The following EGFL6 variants were observed in gnomAD, a reference collection of about 807,000 sequenced individuals.
The protein encoded by EGFL6 is epidermal growth factor-like protein 6.
A neutral mutation model predicts 43.1 loss-of-function variants in EGFL6; 42 were observed. The ratio of observed to expected loss-of-function variants is 0.98; its 90% CI spans 0.76 to 1.26. EGFL6 has a LOEUF of 1.26. EGFL6 is among the 50% of genes most tolerant of loss of function. The pLI, the probability that EGFL6 is intolerant of heterozygous loss-of-function variation, is 0.00. For synonymous variants in EGFL6, 164 were observed against 163.2 expected (o/e 1.01, Z -0.04); for missense variants, 429 against 427.8 (o/e 1.00, Z -0.02).
chrX:13,595,287 A>T, intron 3 of EGFL6, among the ~76,000 whole-genome samples: 1 of 112,064 alleles, frequency 8.9e-6, no homozygotes, highest in African/African-American at 3.2e-5. Context: ...TATGTATTAT[A>T]AGTATATTTT....
intron 1 of EGFL6, among the ~76,000 whole-genome samples, chrX:13,579,094 T>C (rs2045491470): frequency 9.1e-6 from 1 of 110,128 alleles, no homozygotes; most frequent in South Asian, 3.9e-4. Flanking sequence ...GGGCTTGGAG[T>C]CTTTTAATTC....
At chrX:13,597,730 G>A (rs983775076) in intron 3 of EGFL6, among the ~76,000 whole-genome samples, 2 of 111,288 alleles carry the variant, frequency 1.8e-5, no homozygotes, top group Admixed American at 1.9e-4. Context: ...GTTGCAGTGA[G>A]CTGAGATCGC....
intron 11 of EGFL6, among the ~76,000 whole-genome samples, chrX:13,628,444 G>A (rs1014888798): frequency 5.4e-5 from 6 of 110,372 alleles, no homozygotes; most frequent in African/African-American, 1.6e-4. Context: ...GGGAAGGGTC[G>A]AAGGTCACAC....
chrX:13,609,229 A>C (rs865789565), intron 7 of EGFL6, among the ~76,000 whole-genome samples: 4 of 112,125 alleles, frequency 3.6e-5, no homozygotes, highest in Middle Eastern at 4.6e-3. Context: ...TCAAGGCCTT[A>C]AGGTTTGTCA....
At chrX:13,609,809 A>T (rs1382427967) in intron 7 of EGFL6, among the ~76,000 whole-genome samples, 1 of 111,749 alleles carries the variant, frequency 8.9e-6, no homozygotes, top group African/African-American at 3.3e-5. Context: ...CCCTCTGGTC[A>T]TGACCCTTTT....
At chrX:13,601,939 A>G in intron 4 of EGFL6, among the ~76,000 whole-genome samples, 1 of 111,994 alleles carries the variant, frequency 8.9e-6, no homozygotes, top group South Asian at 3.8e-4. Context: ...AAACCCAGTC[A>G]GTGCCAAAAA....
intron 7 of EGFL6, among the ~76,000 whole-genome samples, chrX:13,612,575 G>A (rs755090438): frequency 3.6e-5 from 4 of 111,275 alleles, no homozygotes; most frequent in South Asian, 3.8e-4. Flanking sequence ...CCTCCCAGAC[G>A]GGGTGGCGGC....
Position 13,594,870 on chromosome X carries a change from C to T in EGFL6, c.222C>T (p.Cys74=), listed in dbSNP as rs138875572. The part of the protein sequence containing the change: ...TCEPGCKFGE[C]VGPNKCRCFP... Reference sequence around the variant, plus strand: ...AACCTGGATGTAAGTTTGGTGAGTGCGTGGGACCAAACAAATGCAGATGCT... The same window carrying T: ...AACCTGGATGTAAGTTTGGTGAGTGTGTGGGACCAAACAAATGCAGATGCT... The change falls in exon 3 of 12, where the codon TGC becomes TGT. Residue 74 remains cysteine (C), a synonymous_variant. Coordinates refer to ENST00000361306, the MANE Select transcript of EGFL6 (RefSeq NM_015507.4). 2.1e-4 allele frequency: 250 copies of T among 1,208,782 alleles called. No homozygotes were observed. In the African/African-American group the frequency reaches 3.7e-3, roughly 18 times the overall value.
intron 7 of EGFL6, among the ~76,000 whole-genome samples, chrX:13,611,483 G>A: frequency 8.9e-6 from 1 of 112,249 alleles, no homozygotes; most frequent in Non-Finnish European, 1.9e-5. Flanking sequence ...TACCCCTAGA[G>A]GGGAATCGAA....
intron 5 of EGFL6, 82 bp downstream of exon 5, chrX:13,603,518 T>A (rs1007862660): frequency 9.5e-7 from 1 of 1,055,434 alleles, no homozygotes; most frequent in African/African-American, 1.9e-5. Context: ...TTCATCACAA[T>A]CAGCTTGTTG....
At chrX:13,628,899 G>A (rs2045796609) in intron 11 of EGFL6, among the ~76,000 whole-genome samples, 1 of 112,837 alleles carries the variant, frequency 8.9e-6, no homozygotes, top group Admixed American at 9.3e-5. Context: ...ATTAAGTGGT[G>A]ATAATAGGAA....
Position 13,569,757 on chromosome X carries a change from ACC to A in EGFL6, c.-103_-102del. The stretch of plus-strand genomic sequence containing the variant: ...CCGGTAACTGCGAGTGGAGCGGAGG[ACC>A]CGAGCGGCTGAGGAGAGAGGAGGCG... On this transcript the variant is annotated 5_prime_UTR_variant, in exon 1 of 12. Transcript: ENST00000361306. 1.3e-6 allele frequency: 1 copy of A among 785,283 alleles called. No individual in the cohort carries two copies. Among genetic ancestry groups the A allele is most frequent in the Non-Finnish European group, 1.9e-6 (1 of 524,786 alleles). 64.7% of individuals were successfully genotyped at this position (785,283 alleles called of 1,213,427 possible).
chrX:13,627,473 G>A (rs1293264427), intron 11 of EGFL6, among the ~76,000 whole-genome samples, 197 bp downstream of exon 11: 1 of 111,788 alleles, frequency 8.9e-6, no homozygotes, highest in African/African-American at 3.3e-5. Context: ...CTTATCTGGC[G>A]TATGCATATC....
At chrX:13,587,886 A>G (rs1457101290) in intron 1 of EGFL6, among the ~76,000 whole-genome samples, 1 of 112,054 alleles carries the variant, frequency 8.9e-6, no homozygotes, top group Non-Finnish European at 1.9e-5. Context: ...TTAAAGTACT[A>G]CTACTTAATG....
At chrX:13,626,222 A>G (rs1348677427) in intron 10 of EGFL6, among the ~76,000 whole-genome samples, 1 of 111,731 alleles carries the variant, frequency 9.0e-6, no homozygotes, top group Non-Finnish European at 1.9e-5. Flanking sequence ...TGCATTGAAA[A>G]CTAAGGCAAT....
intron 10 of EGFL6, among the ~76,000 whole-genome samples, chrX:13,624,287 G>GTTTTTGT (rs2045766722): frequency 8.9e-6 from 1 of 111,878 alleles, no homozygotes; most frequent in African/African-American, 3.3e-5. Flanking sequence ...GCATCTTGTA[G>GTTTTTGT]TTTTTGTTTT....
At chrX:13,595,147 C>CT (rs1365641301) in intron 3 of EGFL6, among the ~76,000 whole-genome samples, 156 of 109,936 alleles carry the variant, frequency 1.4e-3, no homozygotes, top group African/African-American at 4.9e-3. Flanking sequence ...CTTTTCTTTT[C>CT]TTTTTTTATC....
chrX:13,584,897 C>T (rs1050583808), intron 1 of EGFL6, among the ~76,000 whole-genome samples: 2 of 111,970 alleles, frequency 1.8e-5, no homozygotes, highest in Non-Finnish European at 3.8e-5. Context: ...ATTCATTTCT[C>T]CTTACCTCCA....
chrX:13,594,755 CAG>C (rs1263135335), intron 2 of EGFL6, 79 bp from the exon 3 acceptor site: 10 of 904,383 alleles, frequency 1.1e-5, no homozygotes, highest in Non-Finnish European at 1.6e-5. Flanking sequence ...CTCTGCCACA[CAG>C]AACGCAGCGA....
Sources: gnomAD v4.1 joint callset for allele counts (sites outside exome capture counted in the v4.1 genomes callset) on GRCh38, gnomAD v4.1.1 for gene constraint, MANE v1.5 for transcripts, NCBI Gene and HGNC (gene_info 2026-07-23, HGNC 2026-07-21) for gene names.